The following PTPRH variants were observed in gnomAD, a reference collection of about 807,000 sequenced individuals.
PTPRH encodes the protein receptor-type tyrosine-protein phosphatase H.
Under a neutral mutation model 130.2 loss-of-function variants are expected in PTPRH, and 113 were observed. The observed-to-expected ratio is 0.87, with a 90% confidence interval of 0.75 to 1.01. PTPRH has a LOEUF of 1.01. PTPRH is among the 50% of genes least tolerant of loss of function. The probability of loss-of-function intolerance (pLI) is 0.00; values close to 1 mark genes in which losing one functional copy is unlikely to be tolerated. For missense variants in PTPRH, 1,430 were observed against 1,425.0 expected, an observed-to-expected ratio of 1.00 and a Z score of -0.06; for synonymous variants, 556 against 577.9, an observed-to-expected ratio of 0.96 and a Z score of 0.54.
chr19:55,194,081 C>T (rs2077029867), intron 10 of PTPRH: 1 of 1,085,596 alleles, frequency 9.2e-7, no homozygotes, highest in Non-Finnish European at 1.2e-6. Context: ...AACTCCCAAC[C>T]ACAGGTGATC....
chr19:55,197,473 C>T, intron 8 of PTPRH, 57 bp from the exon 9 acceptor site: 1 of 1,489,324 alleles, frequency 6.7e-7, no homozygotes, highest in Non-Finnish European at 9.2e-7. Context: ...CCTACCCCAG[C>T]CTGTCTGCCT....
chr19:55,198,823 A>G lies in PTPRH; in HGVS notation c.1510T>C (p.Ser504Pro), dbSNP rs1175224344. The G allele has an allele frequency of 6.2e-7, 1 of 1,608,168 alleles. No homozygotes were observed. Among genetic ancestry groups the G allele is most frequent in the African/African-American group, 1.3e-5 (1 of 74,812 alleles). The change falls in exon 8 of 20, where the codon TCT (serine) becomes CCT (proline). Residue 504 changes from serine to proline, a missense_variant. Coordinates refer to ENST00000376350, the MANE Select transcript of PTPRH (RefSeq NM_002842.5). ...CATGAGACCCAGTAGCTGTAGGAAG[A>G]CTGGCCTGGGCCCTGGGGAGCTGTC... is the stretch of plus-strand genomic sequence containing the variant. ...RWTAPQGPGQ[S>P]SYSYWVSWVR... is the part of the protein sequence containing the mutation.
At chr19:55,189,611 C>A (rs1254972256) in intron 12 of PTPRH, 1 of 446,388 alleles carries the variant, frequency 2.2e-6, no homozygotes, top group Non-Finnish European at 4.5e-6. Context: ...CGGCTCCTCT[C>A]CCACTTGCGT....
intron 18 of PTPRH, among the ~76,000 whole-genome samples, chr19:55,185,184 A>G (rs1010487958): frequency 2.0e-5 from 3 of 151,806 alleles, no homozygotes; most frequent in African/African-American, 7.3e-5. Flanking sequence ...TAGTAGAGAC[A>G]AGGTTTGTAT....
chr19:55,203,075 T>C (rs756123077), intron 5 of PTPRH, among the ~76,000 whole-genome samples: 94 of 150,632 alleles, frequency 6.2e-4, no homozygotes, highest in Non-Finnish European at 1.1e-3. Context: ...ACGCCTGTAA[T>C]CCCAGCACTT....
rs750050374 is a variant in PTPRH at position 55,202,170 on chromosome 19, C to T, written c.1039G>A (p.Ala347Thr). 16 of 1,614,080 alleles carry T rather than the reference C, an allele frequency of 9.9e-6. No individual in the cohort carries two copies. Among genetic ancestry groups the T allele is most frequent in the Non-Finnish European group, 1.2e-5 (14 of 1,180,048 alleles). Residue 347 changes from alanine (A) to threonine (T), a missense_variant, in exon 6 of 20, where the codon GCA becomes ACA. Physicochemically the swap from Ala to Thr is moderately conservative, Grantham distance 58. Coordinates refer to ENST00000376350, the MANE Select transcript of PTPRH (RefSeq NM_002842.5). ...DGGRAGTRST[A>T]HTNITVDRLE... Reference sequence around the variant, plus strand: ...CTATCCACGGTGATGTTGGTGTGTGCTGTGCTTCGAGTCCCTGCTCTGCCA... The same window carrying T: ...CTATCCACGGTGATGTTGGTGTGTGTTGTGCTTCGAGTCCCTGCTCTGCCA...
At chr19:55,202,454 C>T (rs1057477077) in intron 5 of PTPRH, 132 bp from the exon 6 acceptor site, 16 of 1,359,094 alleles carry the variant, frequency 1.2e-5, no homozygotes, top group South Asian at 4.6e-5. Context: ...GTGGCAGCCA[C>T]GAGTTCCACG....
intron 12 of PTPRH, among the ~76,000 whole-genome samples, chr19:55,189,355 T>C (rs775223694): frequency 3.3e-5 from 5 of 152,178 alleles, no homozygotes; most frequent in Non-Finnish European, 4.4e-5. Context: ...ACTGTGTCAC[T>C]AGCCTATTCA....
intron 10 of PTPRH, among the ~76,000 whole-genome samples, chr19:55,192,846 C>T (rs577485037): frequency 1.3e-5 from 2 of 151,974 alleles, no homozygotes; most frequent in African/African-American, 2.4e-5. Flanking sequence ...CCACCATGCC[C>T]GGCTGTTATA....
At chr19:55,200,660 G>A (rs1456610493) in intron 6 of PTPRH, among the ~76,000 whole-genome samples, 158 bp from the exon 7 acceptor site, 1 of 152,126 alleles carries the variant, frequency 6.6e-6, no homozygotes, top group East Asian at 1.9e-4. Flanking sequence ...TCAGACTAAT[G>A]TGCCGGGCGT....
At position 55,196,608 on chromosome 19, in the gene PTPRH, G is replaced by A; in HGVS notation, c.2171C>T (p.Ala724Val). Residue 724 changes from alanine (A) to valine (V), a missense_variant, in exon 10 of 20, where the codon GCT (alanine) becomes GTT (valine). Ala to Val is a moderately conservative substitution (Grantham distance 64). Coordinates refer to ENST00000376350, the MANE Select transcript of PTPRH (RefSeq NM_002842.5). ...CGTGATGGTGGCTGGGTAGGACCGA[G>A]CCGGCCCGAGACCCAACACAGACAC... ...EAVSVLGLGP[A>V]RSYPATITTI... The A allele has an allele frequency of 6.2e-7, 1 of 1,613,914 alleles. No individual in the cohort carries two copies. Among genetic ancestry groups the A allele is most frequent in the Non-Finnish European group, 8.5e-7 (1 of 1,179,992 alleles).
At chr19:55,195,871 T>C (rs796134042) in intron 10 of PTPRH, among the ~76,000 whole-genome samples, 3 of 152,076 alleles carry the variant, frequency 2.0e-5, no homozygotes, top group African/African-American at 7.2e-5. Flanking sequence ...GTGCCCACTC[T>C]ATGATTGCAT....
At chr19:55,203,288 C>G (rs1332220633) in intron 5 of PTPRH, among the ~76,000 whole-genome samples, 3 of 142,834 alleles carry the variant, frequency 2.1e-5, no homozygotes. Context: ...GATTGCGCCA[C>G]TGCACTCCAG....
intron 14 of PTPRH, among the ~76,000 whole-genome samples, chr19:55,187,159 C>T (rs939305801): frequency 6.7e-6 from 1 of 150,354 alleles, no homozygotes; most frequent in African/African-American, 2.4e-5. Flanking sequence ...TCCTGGCTAA[C>T]ACGGTGAAAC....
In PTPRH at chr19:55,196,543, C is replaced by A; in HGVS notation, c.2236G>T (p.Val746Phe). Residue 746 changes from valine to phenylalanine, a missense_variant, in exon 10 of 20, where the codon GTC becomes TTC. Transcript: ENST00000376350. ...TCACCTGCACTCTCGGTGTGGCAGACCACAGAGTGAGACACGACCTTCATT... is the reference window on the plus strand; with the variant it reads ...TCACCTGCACTCTCGGTGTGGCAGAACACAGAGTGAGACACGACCTTCATT... ...DGMKVVSHSV[V>F]CHTESAGVIA... 1 of 1,612,376 alleles carries A rather than the reference C, an allele frequency of 6.2e-7. No individual in the cohort carries two copies. The highest frequency in any genetic ancestry group is 8.5e-7 in the Non-Finnish European group (1 of 1,179,712).
intron 3 of PTPRH, among the ~76,000 whole-genome samples, chr19:55,206,374 A>G (rs998667302): frequency 6.9e-6 from 1 of 144,672 alleles, no homozygotes; most frequent in African/African-American, 2.6e-5. Flanking sequence ...CCCAGGCTGG[A>G]GTGCAGCGGT....
At chr19:55,188,721 C>T (rs766908986) in intron 12 of PTPRH, among the ~76,000 whole-genome samples, 31 of 152,110 alleles carry the variant, frequency 2.0e-4, no homozygotes, top group Non-Finnish European at 4.1e-4. Context: ...CACGTTTCAG[C>T]CCCCACCGGC....
chr19:55,185,431 C>T (rs539586850), intron 18 of PTPRH, 71 bp downstream of exon 18: 46 of 1,544,380 alleles, frequency 3.0e-5, no homozygotes, highest in East Asian at 2.9e-4. Context: ...CCCAGGGTCC[C>T]GTCTAACACA....
intron 4 of PTPRH, 130 bp downstream of exon 4, chr19:55,205,196 C>T: frequency 5.0e-6 from 7 of 1,406,444 alleles, no homozygotes; most frequent in Non-Finnish European, 6.8e-6. Flanking sequence ...GCTGAGACTG[C>T]CCCAGGATGT....
Sources: allele counts gnomAD v4.1 joint callset (sites outside exome capture counted in the v4.1 genomes callset), GRCh38; gene constraint gnomAD v4.1.1; transcripts MANE v1.5; gene names NCBI Gene and HGNC (gene_info 2026-07-23, HGNC 2026-07-21).